HYDIN: variants seen among roughly 807,000 people sequenced by gnomAD.
The protein encoded by HYDIN is axonemal central pair apparatus protein HYDIN.
In HYDIN, 132 loss-of-function variants were observed where a neutral mutation model predicts 403.9. That is an observed-to-expected ratio of 0.33 (90% CI 0.28 to 0.38). HYDIN has a LOEUF of 0.38. Among genes scored for constraint, HYDIN ranks in the 10% least tolerant of loss-of-function variants. HYDIN has a pLI of 1.00. For missense variants in HYDIN, 2,827 were observed against 5,009.5 expected (o/e 0.56, Z 13.15); for synonymous variants, 1,202 against 1,891.7 (o/e 0.64, Z 9.46).
At chr16:70,986,488 G>A (rs1597475416) in intron 27 of HYDIN, among the ~76,000 whole-genome samples, 2 of 152,320 alleles carry the variant, frequency 1.3e-5, no homozygotes, top group African/African-American at 4.8e-5. Flanking sequence ...GGTGCTGGGT[G>A]AATCAGATTT....
intron 18 of HYDIN, among the ~76,000 whole-genome samples, chr16:71,042,904 C>A (rs1597624320): frequency 6.6e-6 from 1 of 151,870 alleles, no homozygotes; most frequent in South Asian, 2.1e-4. Context: ...CACCCCTCAG[C>A]ATTCTCTCCT....
intron 43 of HYDIN, among the ~76,000 whole-genome samples, chr16:70,939,077 G>C (rs2077589050): frequency 6.6e-6 from 1 of 152,184 alleles, no homozygotes; most frequent in Non-Finnish European, 1.5e-5. Flanking sequence ...ATTTTGGGGG[G>C]CCCAGTCTAA....
intron 52 of HYDIN, among the ~76,000 whole-genome samples, chr16:70,903,235 A>G (rs1222615919): frequency 9.2e-6 from 1 of 108,516 alleles, no homozygotes; most frequent in African/African-American, 3.6e-5. Context: ...CAATTAATGA[A>G]TATGTAAGTT....
At chr16:70,930,584 G>C (rs2077289103) in intron 45 of HYDIN, among the ~76,000 whole-genome samples, 1 of 152,200 alleles carries the variant, frequency 6.6e-6, no homozygotes. Context: ...GGAAACCCCA[G>C]AAAGGAGAGA....
At chr16:70,982,398 T>C (rs2079073714) in intron 28 of HYDIN, among the ~76,000 whole-genome samples, 1 of 151,134 alleles carries the variant, frequency 6.6e-6, no homozygotes, top group African/African-American at 2.4e-5. Context: ...CAAAAACAGA[T>C]AATCACTTCA....
intron 69 of HYDIN, 138 bp downstream of exon 69, chr16:70,861,910 G>A: frequency 5.3e-6 from 4 of 757,172 alleles, no homozygotes; most frequent in Non-Finnish European, 7.8e-6. Context: ...TCCTTCCAAA[G>A]GGAAAAGGGA....
chr16:70,890,524 T>G (rs2041406022), intron 57 of HYDIN, among the ~76,000 whole-genome samples: 1 of 152,322 alleles, frequency 6.6e-6, no homozygotes, highest in African/African-American at 2.4e-5. Flanking sequence ...TCAAATTTTG[T>G]CAAAACAGAA....
intron 1 of HYDIN, among the ~76,000 whole-genome samples, chr16:71,205,556 G>C (rs1442791217): frequency 2.0e-5 from 3 of 152,230 alleles, no homozygotes; most frequent in Non-Finnish European, 4.4e-5. Context: ...ACCAGCACCA[G>C]TGCCACAGCT....
chr16:70,989,959 G>C (rs1406274845), intron 25 of HYDIN, among the ~76,000 whole-genome samples: 2 of 152,232 alleles, frequency 1.3e-5, no homozygotes, highest in Non-Finnish European at 2.9e-5. Flanking sequence ...CTGTTTGAGA[G>C]ATAACACAGT....
Position 70,868,637 on chromosome 16 carries a change from C to T in HYDIN, c.11243G>A (p.Arg3748His), listed in dbSNP as rs559948120. 2.0e-5 allele frequency: 32 copies of T among 1,614,002 alleles called. No individual in the cohort carries two copies. The East Asian group carries it at 2.9e-4, about 15-fold the overall frequency. The stretch of plus-strand genomic sequence containing the variant: ...GTCCACCCACTTGACTGTGTGCATG[C>T]GGTCATCCCAGTCGGGGACCTGGTC... Reference protein sequence around the residue: ...PADQVPDWDDRMHTVKWVDVP... With the variant: ...PADQVPDWDDHMHTVKWVDVP... The change falls in exon 66 of 86, where the codon CGC (arginine) becomes CAC (histidine). Residue 3748 changes from arginine (R) to histidine (H), a missense_variant. Physicochemically the swap from Arg to His is conservative, Grantham distance 29. Transcript: ENST00000393567.
chr16:70,867,148 T>C (rs1240231278), intron 66 of HYDIN, among the ~76,000 whole-genome samples: 11 of 147,012 alleles, frequency 7.5e-5, no homozygotes, highest in Admixed American at 7.4e-4. Flanking sequence ...AGTATCATAA[T>C]TGAAAAATGA....
intron 39 of HYDIN, 96 bp downstream of exon 39, chr16:70,959,551 G>A: frequency 2.4e-6 from 1 of 419,526 alleles, no homozygotes. Context: ...TATTTGCCAT[G>A]ACCACACAGC....
chr16:71,022,767 A>T (rs957274457), intron 21 of HYDIN, among the ~76,000 whole-genome samples: 9 of 143,432 alleles, frequency 6.3e-5, no homozygotes, highest in African/African-American at 2.2e-4. Context: ...AGGGTGGAAA[A>T]AAGTAAGCAG....
intron 50 of HYDIN, among the ~76,000 whole-genome samples, chr16:70,906,888 G>T (rs2076552475): frequency 6.6e-6 from 1 of 152,154 alleles, no homozygotes; most frequent in South Asian, 2.1e-4. Flanking sequence ...AATAGCGCTA[G>T]CTCTCTTTCT....
chr16:71,066,411 G>T (rs2082267986), intron 15 of HYDIN: 1 of 155,436 alleles, frequency 6.4e-6, no homozygotes, highest in Non-Finnish European at 1.4e-5. Context: ...CCACCAACCA[G>T]CACATCTGCC....
chr16:71,165,834 G>T (rs1404227471), intron 5 of HYDIN, among the ~76,000 whole-genome samples: 1 of 150,012 alleles, frequency 6.7e-6, no homozygotes, highest in African/African-American at 2.5e-5. Flanking sequence ...ATGGCTGTCT[G>T]GGGGAAGTGT....
Position 71,178,271 on chromosome 16 carries a change from T to A in HYDIN, c.381+657A>T, listed in dbSNP as rs868448168. 2.6e-5 allele frequency among the ~76,000 whole-genome samples: 4 copies of A among 151,602 alleles called. No individual in the cohort carries two copies. In the South Asian group the frequency reaches 8.3e-4, roughly 32 times the overall value. On this transcript the variant is annotated intron_variant, in intron 4 of 85. Transcript: ENST00000393567. Reference sequence around the variant, plus strand: ...CCTGTTTCTACTAAAAATACAAAATTAGTTGCGTGTGGTGGCGCATGCCTG... The same window carrying A: ...CCTGTTTCTACTAAAAATACAAAATAAGTTGCGTGTGGTGGCGCATGCCTG...
chr16:71,153,554 A>G (rs1317314668), intron 6 of HYDIN, among the ~76,000 whole-genome samples: 1 of 152,070 alleles, frequency 6.6e-6, no homozygotes, highest in Admixed American at 6.6e-5. Context: ...CCCAGGGAAG[A>G]CAATGGGGAA....
At chr16:71,040,095 G>A (rs2081235499) in intron 18 of HYDIN, among the ~76,000 whole-genome samples, 1 of 151,890 alleles carries the variant, frequency 6.6e-6, no homozygotes, top group Non-Finnish European at 1.5e-5. Flanking sequence ...TCTGGCTCCT[G>A]CACCCACTCA....
Sources: gnomAD v4.1 joint callset for allele counts (sites outside exome capture counted in the v4.1 genomes callset) on GRCh38, gnomAD v4.1.1 for gene constraint, MANE v1.5 for transcripts, NCBI Gene and HGNC (gene_info 2026-07-23, HGNC 2026-07-21) for gene names.